The following CCDC3 variants were observed in gnomAD, a reference collection of about 807,000 sequenced individuals.
The protein encoded by CCDC3 is coiled-coil domain containing 3.
Under a neutral mutation model 21.4 loss-of-function variants are expected in CCDC3, and 24 were observed. The observed-to-expected ratio is 1.12, with a 90% CI of 0.81 to 1.58. The LOEUF (loss-of-function observed/expected upper bound fraction) is 1.58. Ranked by LOEUF, CCDC3 falls within the 40% of genes most tolerant of loss-of-function variation. The pLI, the probability that CCDC3 is intolerant of heterozygous loss-of-function variation, is 0.00. For missense variants in CCDC3, 425 were observed against 360.9 expected (o/e 1.18, Z -1.44); for synonymous variants, 186 against 166.0 (o/e 1.12, Z -0.93).
chr10:13,031,097 A>T (rs1313087083), intron 5 of CCDC3, among the ~76,000 whole-genome samples: 1 of 152,256 alleles, frequency 6.6e-6, no homozygotes, highest in East Asian at 1.9e-4. Context: ...AGTTGGAAAC[A>T]GAGCACTCCT....
chr10:13,094,465 C>A (rs1360089748), intron 3 of CCDC3, among the ~76,000 whole-genome samples: 1 of 152,010 alleles, frequency 6.6e-6, no homozygotes, highest in Non-Finnish European at 1.5e-5. Flanking sequence ...CCATGTTGAC[C>A]AGGATGGTCT....
chr10:13,066,067 T>C (rs1014982984), intron 4 of CCDC3, among the ~76,000 whole-genome samples: 7 of 152,278 alleles, frequency 4.6e-5, no homozygotes, highest in East Asian at 1.9e-4. Flanking sequence ...TCTGAAATGA[T>C]TGAGATGCAA....
In CCDC3 at chr10:12,983,128, G is replaced by GTATATACA. The variant is rs775314375; in HGVS notation, c.549+15209_549+15210insTGTATATA. ...AAAAAATAAATAAATAAATAAAATA[G>GTATATACA]TGTATATATATATATATATATATAT... On this transcript the variant is annotated intron_variant, in intron 2 of 2. Transcript: ENST00000378825. 2.5e-5 allele frequency among the ~76,000 whole-genome samples: 3 copies of GTATATACA among 117,880 alleles called. No homozygotes were observed. In the Admixed American group the frequency reaches 2.7e-4, roughly 11 times the overall value. 77.3% of individuals were successfully genotyped at this position (117,880 alleles called of 152,430 possible).
At position 12,918,174 on chromosome 10, in the gene CCDC3, A is replaced by G. The variant is rs549102606; in HGVS notation, c.550-19495T>C. ...CTTACATATGCTAAGGTCTGATCGG[A>G]CCCACCTTGTCCTGTTTAGCTATGG... On this transcript the variant is annotated intron_variant, in intron 2 of 2. Coordinates refer to ENST00000378825, the MANE Select transcript of CCDC3 (RefSeq NM_031455.4). 3.3e-5 allele frequency among the ~76,000 whole-genome samples: 5 copies of G among 152,230 alleles called. No homozygotes were observed. The East Asian group carries it at 9.6e-4, about 29-fold the overall frequency.
intron 2 of CCDC3, among the ~76,000 whole-genome samples, chr10:12,919,161 T>C (rs768747503): frequency 1.3e-5 from 2 of 152,230 alleles, no homozygotes; most frequent in African/African-American, 2.4e-5. Context: ...TAAGGGTCTA[T>C]GTATTATGTG....
chr10:13,095,230 A>T (rs986645150), intron 3 of CCDC3, among the ~76,000 whole-genome samples: 1 of 152,176 alleles, frequency 6.6e-6, no homozygotes, highest in African/African-American at 2.4e-5. Context: ...CATCCTCGGA[A>T]TATTTGGAAC....
intron 4 of CCDC3, among the ~76,000 whole-genome samples, chr10:13,060,307 G>A (rs916348919): frequency 6.6e-6 from 1 of 152,134 alleles, no homozygotes; most frequent in Non-Finnish European, 1.5e-5. Context: ...CAGGGAAGGG[G>A]ATTGGCTCTC....
intron 2 of CCDC3, among the ~76,000 whole-genome samples, chr10:12,945,337 G>A (rs11592443): frequency 0.055 from 8,394 of 151,930 alleles, 343 homozygotes; most frequent in South Asian, 0.11. Flanking sequence ...AGGAGAATGT[G>A]TTTTGTTAAA....
chr10:12,942,925 T>TG (rs1343031746), intron 2 of CCDC3, among the ~76,000 whole-genome samples: 1 of 152,080 alleles, frequency 6.6e-6, no homozygotes, highest in Non-Finnish European at 1.5e-5. Context: ...GCAAAGAACG[T>TG]GGGGTATTAC....
chr10:12,972,610 A>G lies in CCDC3; in HGVS notation c.549+25728T>C, dbSNP rs1835359520. ...GGCAGGCAAATCACCTGAGGTTAGG[A>G]GTTCAAGACCAGCCTGACCAACATG... On this transcript the variant is annotated intron_variant, in intron 2 of 2. Transcript: ENST00000378825. Among the ~76,000 whole-genome samples, 3 of 152,296 alleles carry G rather than the reference A, an allele frequency of 2.0e-5. No individual in the cohort carries two copies. In the South Asian group the frequency reaches 6.2e-4, roughly 32 times the overall value.
chr10:13,069,411 T>G (rs182968642), intron 4 of CCDC3, among the ~76,000 whole-genome samples: 41 of 152,360 alleles, frequency 2.7e-4, no homozygotes, highest in Non-Finnish European at 3.7e-4. Flanking sequence ...TTAGCAAAAT[T>G]TGTAAAAGGT....
intron 2 of CCDC3, among the ~76,000 whole-genome samples, chr10:12,952,904 G>C (rs1265657417): frequency 2.6e-5 from 4 of 152,092 alleles, no homozygotes; most frequent in Admixed American, 1.3e-4. Context: ...CAGTTCATCT[G>C]GTTAGATGTT....
Position 12,961,014 on chromosome 10 carries a change from G to A in CCDC3, c.549+37324C>T, listed in dbSNP as rs17152608. 9.1e-3 allele frequency among the ~76,000 whole-genome samples: 1,382 copies of A among 152,298 alleles called. 11 individuals carry two copies. Among genetic ancestry groups the A allele is most frequent in the Middle Eastern group, 0.048 (14 of 294 alleles). On this transcript the variant is annotated intron_variant, in intron 2 of 2. Coordinates refer to ENST00000378825, the MANE Select transcript of CCDC3 (RefSeq NM_031455.4). ...AGTGGGCAAGAGGTAGAAGAGTAGTGCCAACAACAGGGAAGAGGCCAAGAC... is the reference window on the plus strand; with the variant it reads ...AGTGGGCAAGAGGTAGAAGAGTAGTACCAACAACAGGGAAGAGGCCAAGAC...
chr10:12,941,037 G>C (rs573045720), intron 2 of CCDC3, among the ~76,000 whole-genome samples: 69 of 152,304 alleles, frequency 4.5e-4, no homozygotes, highest in Middle Eastern at 3.4e-3. Context: ...GACCTACTGG[G>C]CTGCATTCCC....
chr10:13,068,748 A>G (rs968912626), intron 4 of CCDC3, among the ~76,000 whole-genome samples: 3 of 152,212 alleles, frequency 2.0e-5, no homozygotes, highest in African/African-American at 4.8e-5. Flanking sequence ...GGTTCTACAT[A>G]AAAGTTAAAA....
intron 2 of CCDC3, among the ~76,000 whole-genome samples, chr10:12,959,773 C>G (rs571427837): frequency 1.6e-4 from 24 of 152,286 alleles, no homozygotes; most frequent in African/African-American, 5.3e-4. Context: ...GAGCCTCTTC[C>G]AAGCTCAGCC....
chr10:13,045,172 A>G (rs528533537), intron 5 of CCDC3, among the ~76,000 whole-genome samples: 11 of 152,298 alleles, frequency 7.2e-5, no homozygotes, highest in African/African-American at 2.4e-4. Flanking sequence ...AATGCCTGAA[A>G]TTCTTTTATT....
intron 2 of CCDC3, among the ~76,000 whole-genome samples, chr10:12,936,157 G>A (rs1020876081): frequency 1.3e-5 from 2 of 152,022 alleles, no homozygotes; most frequent in African/African-American, 4.8e-5. Context: ...GCAGGTTTAC[G>A]GTCCGACGGT....
rs192426784 is a variant in CCDC3 at position 12,935,735 on chromosome 10, G to A, written c.550-37056C>T. Among the ~76,000 whole-genome samples, 37 of 149,602 alleles carry A rather than the reference G, an allele frequency of 2.5e-4. No individual in the cohort carries two copies. In the East Asian group the frequency reaches 7.1e-3, roughly 29 times the overall value. ...GGCTGGAGTGCAGTGGCGTGATCTC[G>A]GCTCACTGCAAGCTCCGCCTCGCAG... On this transcript the variant is annotated intron_variant, in intron 2 of 2. Coordinates refer to ENST00000378825, the MANE Select transcript of CCDC3 (RefSeq NM_031455.4).
Sources: allele counts gnomAD v4.1 joint callset (sites outside exome capture counted in the v4.1 genomes callset), GRCh38; gene constraint gnomAD v4.1.1; transcripts MANE v1.5; gene names NCBI Gene and HGNC (gene_info 2026-07-23, HGNC 2026-07-21).